UNC80: variants seen among roughly 807,000 people sequenced by gnomAD.
UNC80 encodes protein unc-80 homolog.
A neutral mutation model predicts 384.6 loss-of-function variants in UNC80; 164 were observed. That is an observed-to-expected ratio of 0.43 (90% confidence interval 0.38 to 0.49). The LOEUF (loss-of-function observed/expected upper bound fraction) is 0.49. Ranked by LOEUF, UNC80 falls within the 20% of genes least tolerant of loss-of-function variation. The pLI is 0.00. For missense variants in UNC80, 3,330 were observed against 4,143.0 expected (o/e 0.80, Z 5.39); for synonymous variants, 1,486 against 1,527.8 (o/e 0.97, Z 0.64).
chr2:209,887,277 G>A (rs1390869500), intron 25 of UNC80, among the ~76,000 whole-genome samples: 1 of 152,078 alleles, frequency 6.6e-6, no homozygotes, highest in Non-Finnish European at 1.5e-5. Flanking sequence ...GACTTCAGGT[G>A]TTCTGCCCGC....
intron 42 of UNC80, 68 bp from the exon 43 acceptor site, chr2:209,939,404 T>A: frequency 7.1e-7 from 1 of 1,415,634 alleles, no homozygotes; most frequent in South Asian, 1.7e-5. Flanking sequence ...TTCCTTTAGT[T>A]TTTTCAGTCT....
intron 21 of UNC80, among the ~76,000 whole-genome samples, chr2:209,844,446 TTTTCTTTTCTTTC>T (rs147845670): frequency 0.023 from 3,058 of 130,768 alleles, 124 homozygotes; most frequent in South Asian, 0.079. Flanking sequence ...TTTCTTGCTC[TTTTCTTTTCTTTC>T]TTTCTTTCTT....
At chr2:209,876,910 TA>T (rs2084834394) in intron 23 of UNC80, among the ~76,000 whole-genome samples, 1 of 152,208 alleles carries the variant, frequency 6.6e-6, no homozygotes, top group South Asian at 2.1e-4. Flanking sequence ...TCTTTTCATT[TA>T]AAGAGTATGA....
chr2:209,845,501 T>C (rs2082106564), intron 21 of UNC80, among the ~76,000 whole-genome samples: 2 of 152,246 alleles, frequency 1.3e-5, no homozygotes, highest in South Asian at 4.1e-4. Context: ...CTACGGATTT[T>C]AGCCATTGCT....
chr2:209,984,640 C>A (rs1348304618), intron 60 of UNC80, among the ~76,000 whole-genome samples: 1 of 152,166 alleles, frequency 6.6e-6, no homozygotes, highest in East Asian at 1.9e-4. Flanking sequence ...AGAGTTGTAT[C>A]CATCCAAAGC....
intron 44 of UNC80, 110 bp downstream of exon 44, chr2:209,941,599 T>C: frequency 8.1e-7 from 1 of 1,230,966 alleles, no homozygotes; most frequent in Non-Finnish European, 1.1e-6. Context: ...TATCATCTTC[T>C]TTTGTGACAA....
chr2:209,894,228 C>T lies in UNC80; in HGVS notation c.4342C>T (p.Gln1448Ter). 2 of 985,362 alleles carry T rather than the reference C, an allele frequency of 2.0e-6. No individual in the cohort carries two copies. The highest frequency in any genetic ancestry group is 2.4e-6 in the Non-Finnish European group (2 of 829,914). 61.0% of individuals were successfully genotyped at this position (985,362 alleles called of 1,614,324 possible). Residue 1448 changes from glutamine to a stop codon, truncating the protein, a stop_gained, in exon 27 of 65, where the codon CAG becomes TAG. Coordinates refer to ENST00000673920, the MANE Select transcript of UNC80 (RefSeq NM_001371986.1). LOFTEE classifies it high-confidence loss of function. Reference protein sequence around the residue: ...LLQIKGTRSFQVKKGGSLSSI... With the variant: ...LLQIKGTRSF ...CCAGATTAAAGGAACCCGCAGTTTC[C>T]AGGTGAAGAAGGGGGGTTCCTTGTC...
At chr2:209,885,517 A>T (rs116388263) in intron 25 of UNC80, among the ~76,000 whole-genome samples, 33 of 152,184 alleles carry the variant, frequency 2.2e-4, no homozygotes, top group African/African-American at 7.5e-4. Flanking sequence ...CCAACTAAGA[A>T]ATTTCCCTCA....
intron 22 of UNC80, among the ~76,000 whole-genome samples, chr2:209,860,890 A>T (rs562254797): frequency 6.6e-6 from 1 of 152,312 alleles, no homozygotes; most frequent in South Asian, 2.1e-4. Context: ...ATTTTTGCAC[A>T]TTGATTTTCT....
chr2:209,957,516 C>A, intron 48 of UNC80, 128 bp from the exon 49 acceptor site: 1 of 740,408 alleles, frequency 1.4e-6, no homozygotes, highest in Non-Finnish European at 2.2e-6. Context: ...AGCTAGACAG[C>A]CTGTCTTTTG....
chr2:209,921,716 G>A, intron 34 of UNC80, 30 bp downstream of exon 34: 1 of 1,512,410 alleles, frequency 6.6e-7, no homozygotes, highest in Non-Finnish European at 8.8e-7. Flanking sequence ...CTTCTTGGGG[G>A]GCTGAGTCTC....
chr2:209,978,818 T>C, intron 59 of UNC80, 110 bp downstream of exon 59: 3 of 1,112,106 alleles, frequency 2.7e-6, no homozygotes, highest in Non-Finnish European at 3.5e-6. Context: ...CCCCTAGTCA[T>C]TTTTACAAAA....
At chr2:209,842,599 T>C (rs2081847694) in intron 21 of UNC80, among the ~76,000 whole-genome samples, 153 bp downstream of exon 21, 1 of 152,210 alleles carries the variant, frequency 6.6e-6, no homozygotes, top group Non-Finnish European at 1.5e-5. Flanking sequence ...CTTCTGTTTT[T>C]GCAATTTGAT....
intron 7 of UNC80, among the ~76,000 whole-genome samples, chr2:209,806,145 G>A (rs2078882061): frequency 1.3e-5 from 2 of 152,122 alleles, no homozygotes; most frequent in Admixed American, 1.3e-4. Context: ...CAAGAACAGT[G>A]TAAAATCCTG....
intron 51 of UNC80, among the ~76,000 whole-genome samples, chr2:209,962,967 A>T (rs1236925730): frequency 6.6e-6 from 1 of 152,260 alleles, no homozygotes; most frequent in Admixed American, 6.5e-5. Context: ...AGAGAAAGAG[A>T]AATGGGATGA....
chr2:209,852,266 G>A (rs757583776), intron 22 of UNC80, among the ~76,000 whole-genome samples: 4 of 151,980 alleles, frequency 2.6e-5, no homozygotes, highest in Non-Finnish European at 4.4e-5. Flanking sequence ...GTGTTCAGAG[G>A]TCCAAATTCC....
chr2:209,896,176 G>A (rs2086779952), intron 27 of UNC80, 137 bp from the exon 28 acceptor site: 2 of 718,060 alleles, frequency 2.8e-6, no homozygotes, highest in Non-Finnish European at 4.9e-6. Context: ...CTCCAACAAA[G>A]TCAATGCTAT....
chr2:209,928,612 T>C (rs1019140882), intron 36 of UNC80, among the ~76,000 whole-genome samples: 2 of 152,224 alleles, frequency 1.3e-5, no homozygotes, highest in Admixed American at 1.3e-4. Context: ...CTGTATACAA[T>C]GTGTAATGAT....
intron 1 of UNC80, among the ~76,000 whole-genome samples, chr2:209,772,421 T>G (rs1304655778): frequency 7.3e-6 from 1 of 137,870 alleles, no homozygotes; most frequent in African/African-American, 2.7e-5. Flanking sequence ...TTTTAGGGGG[T>G]GGGAGGGCAG....
Sources: gnomAD v4.1 joint callset for allele counts (sites outside exome capture counted in the v4.1 genomes callset) on GRCh38, gnomAD v4.1.1 for gene constraint, MANE v1.5 for transcripts, NCBI Gene and HGNC (gene_info 2026-07-23, HGNC 2026-07-21) for gene names.